The following ADAM15 variants were observed in gnomAD, a reference collection of about 807,000 sequenced individuals.
The protein encoded by ADAM15 is ADAM metallopeptidase domain 15, also known as disintegrin and metalloproteinase domain-containing protein 15.
A neutral mutation model predicts 113.8 loss-of-function variants in ADAM15; 77 were observed. The ratio of observed to expected loss-of-function variants is 0.68; its 90% CI spans 0.56 to 0.82. ADAM15 has a LOEUF of 0.82. ADAM15 is among the 40% of genes least tolerant of loss of function. The pLI, the probability that ADAM15 is intolerant of heterozygous loss-of-function variation, is 0.00. For missense variants in ADAM15, 963 were observed against 1,120.1 expected (o/e 0.86, Z 2.00); for synonymous variants, 388 against 454.1 (o/e 0.85, Z 1.85).
In ADAM15 at chr1:155,051,336, C is replaced by T; in HGVS notation, c.-51C>T. On this transcript the variant is annotated 5_prime_UTR_variant, in exon 1 of 23. Transcript: ENST00000356955. ...GCGACCTGGCCGCCGGCCGCTCCTC[C>T]GCGCGCTGTTCCGCACTTGCTGCCC... is the stretch of plus-strand genomic sequence containing the variant. 1 of 1,376,246 alleles carries T rather than the reference C, an allele frequency of 7.3e-7. No individual in the cohort carries two copies. Among genetic ancestry groups the T allele is most frequent in the Non-Finnish European group, 9.5e-7 (1 of 1,057,566 alleles). 85.3% of individuals were successfully genotyped at this position (1,376,246 alleles called of 1,614,324 possible). A position where few individuals can be genotyped will look rare whatever the true frequency, so the allele number is the denominator to read the frequency against.
intron 6 of ADAM15, 154 bp from the exon 7 acceptor site, chr1:155,055,636 T>G: frequency 1.3e-6 from 1 of 759,952 alleles, no homozygotes; most frequent in Admixed American, 2.2e-5. Context: ...GGCAAGTTCC[T>G]GGGCCCTCTG....
intron 19 of ADAM15, chr1:155,061,163 G>A (rs951700814): frequency 3.0e-5 from 17 of 576,238 alleles, no homozygotes; most frequent in Middle Eastern, 9.1e-4. Flanking sequence ...ATGGCCTTCC[G>A]TAGGCCCAGG....
chr1:155,056,507 CAGTTCCTCCCA>C lies in ADAM15; in HGVS notation c.999+41_999+51del. On this transcript the variant is annotated intron_variant, in intron 10 of 22. Transcript: ENST00000356955. This position sits in a 1 kb window ranked among gnomAD's most constrained non-coding sequence, Gnocchi z 4.0. ...CCAGGTCTCCTCCTCATTCCCAATT[CAGTTCCTCCCA>C]AGTGTGGTGGCATTTATGCACTGAA... 1.9e-6 allele frequency: 3 copies of C among 1,591,882 alleles called. No individual in the cohort carries two copies. The highest frequency in any genetic ancestry group is 2.6e-6 in the Non-Finnish European group (3 of 1,161,010).
rs749861657 is a variant in ADAM15 at position 155,057,666 on chromosome 1, G to A, written c.1353G>A (p.Leu451=). The part of the protein sequence containing the change: ...DDCVDPCCDS[L]TCQLRPGAQC... ...GCGTCGATCCCTGCTGTGATTCTTTGACCTGCCAGCTGAGGCCAGGTGCAC... is the reference window on the plus strand; with the variant it reads ...GCGTCGATCCCTGCTGTGATTCTTTAACCTGCCAGCTGAGGCCAGGTGCAC... Residue 451 remains leucine (L), a synonymous_variant, in exon 13 of 23, where the codon TTG becomes TTA. Coordinates refer to ENST00000356955, the MANE Select transcript of ADAM15 (RefSeq NM_207197.3). The surrounding 1 kb of genome is among the most constrained non-coding windows in gnomAD (Gnocchi z 5.0). 8.1e-6 allele frequency: 13 copies of A among 1,614,038 alleles called. No individual in the cohort carries two copies. In the African/African-American group the frequency reaches 1.6e-4, roughly 20 times the overall value.
At position 155,058,662 on chromosome 1, in the gene ADAM15, T is replaced by G; in HGVS notation, c.1918-48T>G. On this transcript the variant is annotated intron_variant, in intron 15 of 22. Transcript: ENST00000356955. This position sits in a 1 kb window ranked among gnomAD's most constrained non-coding sequence, Gnocchi z 4.3. ...CAACCTTATTGGCCTCCCAGTCCCA[T>G]TAAAGCTTTGTGGGAATCTGATCCA... 6.3e-7 allele frequency: 1 copy of G among 1,591,882 alleles called. No homozygotes were observed. Among genetic ancestry groups the G allele is most frequent in the Non-Finnish European group, 8.5e-7 (1 of 1,169,816 alleles).
Position 155,058,147 on chromosome 1 carries a change from C to T in ADAM15, c.1713C>T (p.Cys571=). The T allele has an allele frequency of 6.2e-7, 1 of 1,612,284 alleles. No homozygotes were observed. The highest frequency in any genetic ancestry group is 8.5e-7 in the Non-Finnish European group (1 of 1,178,616). The change falls in exon 14 of 23, where the codon TGC becomes TGT. Residue 571 remains cysteine (C), a synonymous_variant. Coordinates refer to ENST00000356955, the MANE Select transcript of ADAM15 (RefSeq NM_207197.3). This position sits in a 1 kb window ranked among gnomAD's most constrained non-coding sequence, Gnocchi z 4.3. ...ACCCCAGTGGCAGTTATGTGTCCTG[C>T]ACCCCTAGGTAAGTGAGGAAACCTG... ...GRNPSGSYVS[C]TPRDAICGQL... is the part of the protein sequence containing the mutation.
rs375080297 is a variant in ADAM15 at position 155,061,957 on chromosome 1, G to T, written c.2406G>T (p.Pro802=). ...NPPTRPLPAD[P]VVRSPKSQGP... ...CTACCCGCCCTCTGCCCGCTGACCC[G>T]GTGGTGAGAAGCCCGAAGGTAACGG... The change falls in exon 21 of 23, where the codon CCG becomes CCT. Residue 802 remains proline, a synonymous_variant. Coordinates refer to ENST00000356955, the MANE Select transcript of ADAM15 (RefSeq NM_207197.3). 26 of 1,587,664 alleles carry T rather than the reference G, an allele frequency of 1.6e-5. No individual in the cohort carries two copies. Among genetic ancestry groups the T allele is most frequent in the Non-Finnish European group, 2.1e-5 (25 of 1,164,158 alleles).
chr1:155,058,490 C>G lies in ADAM15; in HGVS notation c.1917+49C>G. On this transcript the variant is annotated intron_variant, in intron 15 of 22. Coordinates refer to ENST00000356955, the MANE Select transcript of ADAM15 (RefSeq NM_207197.3). The surrounding 1 kb of genome is among the most constrained non-coding windows in gnomAD (Gnocchi z 4.3). ...CCAGGTGTGAGAAGGGACATTTGGA[C>G]CACAATGAACAGAGCCCAGACTTCA... is the stretch of plus-strand genomic sequence containing the variant. The G allele has an allele frequency of 6.3e-7, 1 of 1,596,382 alleles. No individual in the cohort carries two copies. Among genetic ancestry groups the G allele is most frequent in the South Asian group, 1.1e-5 (1 of 90,006 alleles).
At chr1:155,052,357 G>A in intron 1 of ADAM15, 1 of 750,590 alleles carries the variant, frequency 1.3e-6, no homozygotes, top group South Asian at 1.8e-5. Context: ...GAGTGATTGG[G>A]AGGGAGTGGG....
rs1661362456 is a variant in ADAM15, at chr1:155,053,480, C to A, written c.250C>A (p.Leu84Met). The stretch of plus-strand genomic sequence containing the variant: ...GGACGGTGACAGTCATATCCTGGAG[C>A]TGCTACAGAATAGGTAATAGTGATG... ...ELDGDSHILE[L>M]LQNRELVPGR... is the part of the protein sequence containing the mutation. Residue 84 changes from leucine to methionine, a missense_variant, in exon 3 of 23, where the codon CTG becomes ATG. Physicochemically the swap from Leu to Met is conservative, Grantham distance 15. Coordinates refer to ENST00000356955, the MANE Select transcript of ADAM15 (RefSeq NM_207197.3). 1 of 1,614,046 alleles carries A rather than the reference C, an allele frequency of 6.2e-7. No homozygotes were observed. The highest frequency in any genetic ancestry group is 1.1e-5 in the South Asian group (1 of 91,088).
Position 155,056,314 on chromosome 1 carries a change from A to C in ADAM15, c.914+65A>C. 6.2e-7 allele frequency: 1 copy of C among 1,610,990 alleles called. No individual in the cohort carries two copies. The highest frequency in any genetic ancestry group is 1.1e-5 in the South Asian group (1 of 90,854). On this transcript the variant is annotated intron_variant, in intron 9 of 22. Coordinates refer to ENST00000356955, the MANE Select transcript of ADAM15 (RefSeq NM_207197.3). This position sits in a 1 kb window ranked among gnomAD's most constrained non-coding sequence, Gnocchi z 4.0. Reference sequence around the variant, plus strand: ...CTGGCCAAATTCACACCCCTTCAGCACCCTACCTCAGCCCCTGAAGCTCTG... The same window carrying C: ...CTGGCCAAATTCACACCCCTTCAGCCCCCTACCTCAGCCCCTGAAGCTCTG...
intron 1 of ADAM15, 71 bp from the exon 2 acceptor site, chr1:155,052,600 A>C (rs1238956611): frequency 6.4e-7 from 1 of 1,553,360 alleles, no homozygotes; most frequent in African/African-American, 1.4e-5. Flanking sequence ...GGTGGATCTG[A>C]GGGCACCTGT....
Position 155,057,052 on chromosome 1 carries a change from T to C in ADAM15, c.1099T>C (p.Cys367Arg). Residue 367 changes from cysteine (C) to arginine (R), a missense_variant, in exon 11 of 23, where the codon TGT becomes CGT. Transcript: ENST00000356955. The surrounding 1 kb of genome is among the most constrained non-coding windows in gnomAD (Gnocchi z 5.0). ...TGATTTGCCTGGGAATAGCTGCCCC[T>C]GTCCAGGTCCAGCCCCAGCCAAGAC... ...DHDLPGNSCP[C>R]PGPAPAKTCI... The C allele has an allele frequency of 1.2e-6, 2 of 1,600,678 alleles. No individual in the cohort carries two copies. Among genetic ancestry groups the C allele is most frequent in the Non-Finnish European group, 1.7e-6 (2 of 1,171,710 alleles).
intron 17 of ADAM15, 21 bp downstream of exon 17, chr1:155,059,995 A>C: frequency 6.2e-7 from 1 of 1,613,408 alleles, no homozygotes; most frequent in Non-Finnish European, 8.5e-7. Flanking sequence ...GGTGGGGGAC[A>C]GGGGCAGCTG....
At chr1:155,059,149 C>G (rs1008589402) in intron 16 of ADAM15, among the ~76,000 whole-genome samples, 1 of 152,130 alleles carries the variant, frequency 6.6e-6, no homozygotes, top group Non-Finnish European at 1.5e-5. Context: ...CTCACTGCAA[C>G]CTCTGCCTCC....
In ADAM15 at chr1:155,056,546, C is replaced by G; in HGVS notation, c.999+76C>G. 6.9e-7 allele frequency: 1 copy of G among 1,456,248 alleles called. No homozygotes were observed. The highest frequency in any genetic ancestry group is 9.5e-7 in the Non-Finnish European group (1 of 1,051,076). The allele number at this position is 1,456,248 out of a possible 1,614,324, so 90.2% of individuals were successfully genotyped here. On this transcript the variant is annotated intron_variant, in intron 10 of 22. Coordinates refer to ENST00000356955, the MANE Select transcript of ADAM15 (RefSeq NM_207197.3). This position sits in a 1 kb window ranked among gnomAD's most constrained non-coding sequence, Gnocchi z 4.0. Reference sequence around the variant, plus strand: ...TGTGGTGGCATTTATGCACTGAAACCCCCCTATAAAGTTGCCCAACCCCAA... The same window carrying G: ...TGTGGTGGCATTTATGCACTGAAACGCCCCTATAAAGTTGCCCAACCCCAA...
chr1:155,062,568 G>C lies in ADAM15; in HGVS notation c.*66G>C. On this transcript the variant is annotated 3_prime_UTR_variant, in exon 23 of 23. Transcript: ENST00000356955. The surrounding 1 kb of genome is among the most constrained non-coding windows in gnomAD (Gnocchi z 7.0). ...CTTCAAGAGGCGGGCGTGCCCTCTG[G>C]AGTCCCCTACCATGACTGAAGGCGC... 1 of 1,582,996 alleles carries C rather than the reference G, an allele frequency of 6.3e-7. No homozygotes were observed. Among genetic ancestry groups the C allele is most frequent in the Non-Finnish European group, 8.6e-7 (1 of 1,163,736 alleles).
In ADAM15 at chr1:155,057,072, C is replaced by T; in HGVS notation, c.1119C>T (p.Ala373=). Residue 373 remains alanine (A), a synonymous_variant, in exon 11 of 23, where the codon GCC becomes GCT. Transcript: ENST00000356955. The surrounding 1 kb of genome is among the most constrained non-coding windows in gnomAD (Gnocchi z 5.0). ...NSCPCPGPAP[A]KTCIMEASTD... is the part of the protein sequence containing the mutation. The stretch of plus-strand genomic sequence containing the variant: ...GCCCCTGTCCAGGTCCAGCCCCAGC[C>T]AAGACCTGCATCATGGAGGCCTCCA... 6.3e-7 allele frequency: 1 copy of T among 1,581,474 alleles called. No individual in the cohort carries two copies. Among genetic ancestry groups the T allele is most frequent in the Non-Finnish European group, 8.6e-7 (1 of 1,161,602 alleles).
chr1:155,051,650 A>G (rs1571583585), intron 1 of ADAM15, 185 bp downstream of exon 1: 1 of 503,544 alleles, frequency 2.0e-6, no homozygotes, highest in Non-Finnish European at 3.3e-6. Context: ...AAAGAGAAGG[A>G]GGGGGGATGC....
Sources: gnomAD v4.1 joint callset for allele counts (sites outside exome capture counted in the v4.1 genomes callset) on GRCh38, gnomAD v4.1.1 for gene constraint, Gnocchi (gnomAD v3.1) non-coding constraint, MANE v1.5 for transcripts, NCBI Gene and HGNC (gene_info 2026-07-23, HGNC 2026-07-21) for gene names.